Variants in PTPRM observed in about 807,000 individuals in gnomAD.
PTPRM encodes the protein protein tyrosine phosphatase receptor type M, also known as receptor-type tyrosine-protein phosphatase mu.
Under a neutral mutation model 186.7 loss-of-function variants are expected in PTPRM, and 47 were observed. That is an observed-to-expected ratio of 0.25 (90% CI 0.20 to 0.32). The LOEUF is 0.32. Among genes scored for constraint, PTPRM ranks in the 10% least tolerant of loss-of-function variants. The pLI is 1.00. For missense variants in PTPRM, 1,494 were observed against 1,865.0 expected (o/e 0.80, Z 3.66); for synonymous variants, 668 against 674.9 (o/e 0.99, Z 0.16).
intron 23 of PTPRM, among the ~76,000 whole-genome samples, chr18:8,355,875 A>T (rs771455293): frequency 4.2e-4 from 64 of 152,222 alleles, no homozygotes; most frequent in Non-Finnish European, 7.9e-4. Context: ...CAGACAGTCT[A>T]GTCAAGGCGC....
chr18:7,830,961 C>T (rs949840525), intron 2 of PTPRM, among the ~76,000 whole-genome samples: 1 of 152,086 alleles, frequency 6.6e-6, no homozygotes, highest in Non-Finnish European at 1.5e-5. Context: ...TCTTGAATTG[C>T]TTATCTCACT....
intron 10 of PTPRM, 98 bp downstream of exon 10, chr18:8,085,970 T>A: frequency 8.5e-7 from 1 of 1,181,224 alleles, no homozygotes; most frequent in Admixed American, 1.8e-5. Flanking sequence ...CACACTAACA[T>A]TGTATCCAAA....
chr18:8,380,204 G>T, intron 28 of PTPRM, 92 bp from the exon 29 acceptor site: 16 of 1,386,328 alleles, frequency 1.2e-5, no homozygotes, highest in Non-Finnish European at 1.4e-5. Flanking sequence ...TCAGTGTTTT[G>T]TGCCACAAGC....
chr18:7,697,264 C>T (rs2039865094), intron 1 of PTPRM, among the ~76,000 whole-genome samples: 1 of 152,152 alleles, frequency 6.6e-6, no homozygotes, highest in Non-Finnish European at 1.5e-5. Flanking sequence ...AAATTGTGCC[C>T]ATCACCCATC....
intron 3 of PTPRM, among the ~76,000 whole-genome samples, chr18:7,900,185 C>G (rs899723734): frequency 6.6e-6 from 1 of 152,226 alleles, no homozygotes; most frequent in Non-Finnish European, 1.5e-5. Flanking sequence ...GGCAGCTACT[C>G]AACTCTGCTG....
At chr18:7,844,785 G>C (rs925408088) in intron 2 of PTPRM, among the ~76,000 whole-genome samples, 8 of 152,144 alleles carry the variant, frequency 5.3e-5, no homozygotes, top group Non-Finnish European at 7.3e-5. Context: ...GTAGTCCAAA[G>C]GTCTATTTTC....
intron 14 of PTPRM, among the ~76,000 whole-genome samples, chr18:8,185,781 G>A (rs890642769): frequency 6.6e-6 from 1 of 152,204 alleles, no homozygotes; most frequent in Non-Finnish European, 1.5e-5. Flanking sequence ...GAGGCCTAGT[G>A]CCTTCACCTG....
chr18:7,837,487 C>A (rs1000915377), intron 2 of PTPRM, among the ~76,000 whole-genome samples: 1 of 152,054 alleles, frequency 6.6e-6, no homozygotes, highest in African/African-American at 2.4e-5. Flanking sequence ...CAGAGTCTCA[C>A]TCTGTTGCCC....
At chr18:7,936,269 G>A (rs1472925753) in intron 5 of PTPRM, among the ~76,000 whole-genome samples, 2 of 152,194 alleles carry the variant, frequency 1.3e-5, no homozygotes, top group Non-Finnish European at 2.9e-5. Context: ...CCTCCCAGGT[G>A]CAGCTGCAGC....
intron 14 of PTPRM, among the ~76,000 whole-genome samples, chr18:8,170,230 C>A (rs1041341976): frequency 4.6e-5 from 7 of 152,118 alleles, no homozygotes; most frequent in Non-Finnish European, 8.8e-5. Flanking sequence ...CTGTATTTTT[C>A]TGGTACAGCT....
intron 2 of PTPRM, among the ~76,000 whole-genome samples, chr18:7,780,015 A>C (rs1414057008): frequency 1.3e-5 from 2 of 152,208 alleles, no homozygotes; most frequent in East Asian, 3.9e-4. Flanking sequence ...TTAAGAGGTA[A>C]TCCAAAATAT....
At chr18:7,620,646 A>T (rs564696602) in intron 1 of PTPRM, among the ~76,000 whole-genome samples, 1 of 152,198 alleles carries the variant, frequency 6.6e-6, no homozygotes, top group East Asian at 1.9e-4. Flanking sequence ...GGAATTGGAA[A>T]TATAATGCAC....
chr18:8,172,636 C>T (rs2093419976), intron 14 of PTPRM, among the ~76,000 whole-genome samples: 1 of 149,494 alleles, frequency 6.7e-6, no homozygotes, highest in South Asian at 2.2e-4. Context: ...CAGCTGCCGA[C>T]ATTTCTTGTG....
At chr18:8,347,018 C>T (rs185406182) in intron 23 of PTPRM, among the ~76,000 whole-genome samples, 243 of 152,290 alleles carry the variant, frequency 1.6e-3, no homozygotes, top group African/African-American at 5.7e-3. Context: ...TGTGTTTCTT[C>T]CCCTGAGAGG....
At chr18:7,811,345 G>A (rs2044503779) in intron 2 of PTPRM, among the ~76,000 whole-genome samples, 1 of 152,104 alleles carries the variant, frequency 6.6e-6, no homozygotes, top group African/African-American at 2.4e-5. Flanking sequence ...TGCACAGGAT[G>A]CTTGGGAGAC....
chr18:8,002,445 A>G (rs781487525), intron 7 of PTPRM, among the ~76,000 whole-genome samples: 2 of 152,212 alleles, frequency 1.3e-5, no homozygotes, highest in East Asian at 3.9e-4. Context: ...CACAGGCAGA[A>G]AAGACATAAT....
At chr18:8,345,455 T>C (rs2095500109) in intron 23 of PTPRM, among the ~76,000 whole-genome samples, 1 of 151,988 alleles carries the variant, frequency 6.6e-6, no homozygotes, top group Non-Finnish European at 1.5e-5. Context: ...ATATATTTGA[T>C]GAATTAGGTA....
intron 13 of PTPRM, among the ~76,000 whole-genome samples, chr18:8,139,602 A>G (rs116471983): frequency 0.048 from 7,248 of 152,034 alleles, 553 homozygotes; most frequent in African/African-American, 0.17. Flanking sequence ...ATTATGCTTC[A>G]CCTTCTCCGC....
At chr18:7,623,825 T>TA (rs758172844) in intron 1 of PTPRM, among the ~76,000 whole-genome samples, 1 of 152,098 alleles carries the variant, frequency 6.6e-6, no homozygotes, top group Non-Finnish European at 1.5e-5. Flanking sequence ...TTGTTCCTCC[T>TA]AAAAAAACAA....
Sources: allele counts gnomAD v4.1 joint callset (sites outside exome capture counted in the v4.1 genomes callset), GRCh38; gene constraint gnomAD v4.1.1; transcripts MANE v1.5; gene names NCBI Gene and HGNC (gene_info 2026-07-23, HGNC 2026-07-21).